Variants in FGF14 observed in about 807,000 individuals in gnomAD.
FGF14 encodes fibroblast growth factor 14.
Under a neutral mutation model 25.5 loss-of-function variants are expected in FGF14, and 5 were observed. That is an observed-to-expected ratio of 0.20 (90% CI 0.10 to 0.41). The LOEUF is 0.41. FGF14 is among the 10% of genes least tolerant of loss of function. The probability of loss-of-function intolerance (pLI) is 1.00; values close to 1 mark genes in which losing one functional copy is unlikely to be tolerated. For missense variants in FGF14, 222 were observed against 320.1 expected, an observed-to-expected ratio of 0.69 and a Z score of 2.34; for synonymous variants, 138 against 118.3, an observed-to-expected ratio of 1.17 and a Z score of -1.08.
At chr13:101,854,423 A>G (rs1000227843) in intron 3 of FGF14, among the ~76,000 whole-genome samples, 1 of 152,076 alleles carries the variant, frequency 6.6e-6, no homozygotes, top group Admixed American at 6.6e-5. Flanking sequence ...ACTGCTGCTC[A>G]CACTAAACAC....
At chr13:101,780,019 T>C (rs1448595295) in intron 3 of FGF14, among the ~76,000 whole-genome samples, 4 of 152,206 alleles carry the variant, frequency 2.6e-5, no homozygotes, top group Non-Finnish European at 5.9e-5. Context: ...TGAAACCTGA[T>C]GGTCGCACAT....
At chr13:102,081,565 A>C (rs375472773) in intron 1 of FGF14, among the ~76,000 whole-genome samples, 54 of 152,306 alleles carry the variant, frequency 3.5e-4, no homozygotes, top group African/African-American at 1.3e-3. Context: ...CTTAATGAAA[A>C]GATTTTCATC....
At position 101,721,817 on chromosome 13, in the gene FGF14, T is replaced by A. The variant is rs375885231; in HGVS notation, c.*1014A>T. On this transcript the variant is annotated 3_prime_UTR_variant, in exon 5 of 5. Coordinates refer to ENST00000376143, the MANE Select transcript of FGF14 (RefSeq NM_004115.4). ...AGGACGGAGTATATCTGAAATGGATTTAGGTAGCGCAATTCTTGTAGGTTA... is the reference window on the plus strand; with the variant it reads ...AGGACGGAGTATATCTGAAATGGATATAGGTAGCGCAATTCTTGTAGGTTA... 10 of 151,880 alleles carry A rather than the reference T, an allele frequency of 6.6e-5. No homozygotes were observed. The highest frequency in any genetic ancestry group is 1.4e-4 in the African/African-American group (6 of 41,448). The allele number at this position is 151,880 out of a possible 1,614,324, so 9.4% of individuals were successfully genotyped here.
intron 1 of FGF14, among the ~76,000 whole-genome samples, chr13:101,951,725 G>T (rs1443542293): frequency 6.6e-6 from 1 of 152,096 alleles, no homozygotes; most frequent in Non-Finnish European, 1.5e-5. Flanking sequence ...ATTTTCACAA[G>T]AATTCCAAAT....
At chr13:102,337,561 CAGA>C (rs1168714823) in intron 1 of FGF14, among the ~76,000 whole-genome samples, 2 of 152,092 alleles carry the variant, frequency 1.3e-5, no homozygotes, top group Non-Finnish European at 2.9e-5. Context: ...CTTGATAAAG[CAGA>C]AGAAGGGTTT....
intron 1 of FGF14, among the ~76,000 whole-genome samples, chr13:102,171,073 T>G (rs988872612): frequency 6.6e-6 from 1 of 152,074 alleles, no homozygotes; most frequent in Non-Finnish European, 1.5e-5. Context: ...AATATCAATT[T>G]AAACCGTCCT....
chr13:102,026,569 C>G (rs997591638), intron 1 of FGF14, among the ~76,000 whole-genome samples: 1 of 151,562 alleles, frequency 6.6e-6, no homozygotes, highest in Non-Finnish European at 1.5e-5. Flanking sequence ...TTTACTTTTC[C>G]CAGAACTGAG....
chr13:102,327,167 CA>C (rs1257057628), intron 1 of FGF14, among the ~76,000 whole-genome samples: 1 of 151,928 alleles, frequency 6.6e-6, no homozygotes, highest in Non-Finnish European at 1.5e-5. Flanking sequence ...TCTGGTCCTC[CA>C]AATTGCATAA....
At chr13:102,217,440 T>C (rs1221504619) in intron 1 of FGF14, among the ~76,000 whole-genome samples, 1 of 152,202 alleles carries the variant, frequency 6.6e-6, no homozygotes, top group African/African-American at 2.4e-5. Context: ...AATCTCAGTG[T>C]TACAACAACT....
At chr13:101,780,023 C>T (rs951765692) in intron 3 of FGF14, among the ~76,000 whole-genome samples, 4 of 152,076 alleles carry the variant, frequency 2.6e-5, no homozygotes, top group African/African-American at 9.7e-5. Flanking sequence ...ACCTGATGGT[C>T]GCACATTCGG....
intron 1 of FGF14, among the ~76,000 whole-genome samples, chr13:101,992,395 A>C (rs1262004981): frequency 6.6e-6 from 1 of 152,140 alleles, no homozygotes; most frequent in Non-Finnish European, 1.5e-5. Flanking sequence ...CCAATTCATC[A>C]TATCTGTTTT....
At chr13:102,290,753 C>CT (rs2054348288) in intron 1 of FGF14, among the ~76,000 whole-genome samples, 1 of 152,148 alleles carries the variant, frequency 6.6e-6, no homozygotes, top group African/African-American at 2.4e-5. Flanking sequence ...TCCAGGGCTA[C>CT]TGTCACTCCT....
chr13:102,087,443 GCT>G (rs375865883), intron 1 of FGF14, among the ~76,000 whole-genome samples: 1,237 of 98,274 alleles, frequency 0.013, 22 homozygotes, highest in African/African-American at 0.048. Context: ...ACAGATTCTT[GCT>G]CTGTCACCCA....
chr13:102,352,087 T>C (rs944568468), intron 1 of FGF14, among the ~76,000 whole-genome samples: 1 of 152,168 alleles, frequency 6.6e-6, no homozygotes, highest in Non-Finnish European at 1.5e-5. Flanking sequence ...GCAGCTTTTT[T>C]GGTAAAGGAG....
chr13:101,773,327 C>T (rs1251318286), intron 3 of FGF14, among the ~76,000 whole-genome samples: 1 of 152,038 alleles, frequency 6.6e-6, no homozygotes, highest in African/African-American at 2.4e-5. Context: ...GTTATCTGCC[C>T]AAGGTCACTT....
intron 1 of FGF14, among the ~76,000 whole-genome samples, chr13:102,383,639 G>A (rs913030272): frequency 2.6e-5 from 4 of 152,048 alleles, no homozygotes; most frequent in African/African-American, 9.7e-5. Context: ...AAAGGGAATG[G>A]GAGAAAAAAG....
intron 1 of FGF14, among the ~76,000 whole-genome samples, chr13:101,993,547 C>A (rs1350473179): frequency 6.6e-6 from 1 of 151,960 alleles, no homozygotes; most frequent in African/African-American, 2.4e-5. Flanking sequence ...TGTATGGCAG[C>A]AGTGTAATAG....
chr13:101,906,473 T>C (rs2032260447), intron 1 of FGF14, among the ~76,000 whole-genome samples: 1 of 152,178 alleles, frequency 6.6e-6, no homozygotes, highest in Non-Finnish European at 1.5e-5. Flanking sequence ...TGTGGTGTAA[T>C]AAAAAGACAT....
At chr13:102,118,672 TTA>T (rs1190782950) in intron 1 of FGF14, among the ~76,000 whole-genome samples, 3 of 152,132 alleles carry the variant, frequency 2.0e-5, no homozygotes, top group Non-Finnish European at 4.4e-5. Flanking sequence ...TTCCTTCTTT[TTA>T]TGATTGAATA....
Sources: allele counts gnomAD v4.1 joint callset (sites outside exome capture counted in the v4.1 genomes callset), GRCh38; gene constraint gnomAD v4.1.1; transcripts MANE v1.5; gene names NCBI Gene and HGNC (gene_info 2026-07-23, HGNC 2026-07-21).